Variants in ZFP36L2 observed in about 807,000 individuals in gnomAD.
ZFP36L2 encodes mRNA decay activator protein ZFP36L2.
In ZFP36L2, 16 loss-of-function variants were observed where a neutral mutation model predicts 27.9. That is an observed-to-expected ratio of 0.57 (90% CI 0.39 to 0.87). ZFP36L2 has a LOEUF of 0.87. ZFP36L2 is among the 40% of genes least tolerant of loss of function. The probability of loss-of-function intolerance (pLI) is 0.00; values close to 1 mark genes in which losing one functional copy is unlikely to be tolerated. For missense variants in ZFP36L2, 989 were observed against 726.9 expected, an observed-to-expected ratio of 1.36 and a Z score of -4.15; for synonymous variants, 600 against 363.8, an observed-to-expected ratio of 1.65 and a Z score of -7.39.
In ZFP36L2 at chr2:43,224,217, A is replaced by ACCC. The variant is rs893962631; in HGVS notation, c.*99_*101dup. On this transcript the variant is annotated 3_prime_UTR_variant, in exon 2 of 2. Coordinates refer to ENST00000282388, the MANE Select transcript of ZFP36L2 (RefSeq NM_006887.5). ...TTGCAGTCTGCCTAGGGCCCATGTC[A>ACCC]CCCCCCCCACTCCCGTGCCCCCAGC... 1 of 1,265,196 alleles carries ACCC rather than the reference A, an allele frequency of 7.9e-7. No homozygotes were observed. The highest frequency in any genetic ancestry group is 1.6e-5 in the African/African-American group (1 of 62,960). 78.4% of individuals were successfully genotyped at this position (1,265,196 alleles called of 1,614,324 possible). A position where few individuals can be genotyped will look rare whatever the true frequency, so the allele number is the denominator to read the frequency against.
Position 43,224,380 on chromosome 2 carries a change from G to A in ZFP36L2, c.1424C>T (p.Pro475Leu). The A allele has an allele frequency of 6.4e-7, 1 of 1,564,380 alleles. No individual in the cohort carries two copies. Among genetic ancestry groups the A allele is most frequent in the Non-Finnish European group, 8.6e-7 (1 of 1,161,144 alleles). Reference sequence around the variant, plus strand: ...CAGGCGGCGGCCAGGGTCGAGGCTGGGAGACTCAGAGCCGCTGAGGCTGCC... The same window carrying A: ...CAGGCGGCGGCCAGGGTCGAGGCTGAGAGACTCAGAGCCGCTGAGGCTGCC... ...SSGSLSGSES[P>L]SLDPGRRLPI... Residue 475 changes from proline to leucine, a missense_variant, in exon 2 of 2, where the codon CCC (proline) becomes CTC (leucine). Transcript: ENST00000282388.
Position 43,225,583 on chromosome 2 carries a change from C to G in ZFP36L2, c.221G>C (p.Cys74Ser). 6.4e-7 allele frequency: 1 copy of G among 1,560,814 alleles called. No individual in the cohort carries two copies. Among genetic ancestry groups the G allele is most frequent in the Non-Finnish European group, 8.6e-7 (1 of 1,159,088 alleles). Reference sequence around the variant, plus strand: ...AGCGGCGCCCGGGAACTTGGGCGAGCAGCTGCCGGGGCTGGGCGCGGGGTG... The same window carrying G: ...AGCGGCGCCCGGGAACTTGGGCGAGGAGCTGCCGGGGCTGGGCGCGGGGTG... The part of the protein sequence containing the change: ...LAHPAPSPGS[C>S]SPKFPGAANG... Residue 74 changes from cysteine (C) to serine (S), a missense_variant, in exon 2 of 2, where the codon TGC (cysteine) becomes TCC (serine). Cys to Ser is a moderately radical substitution (Grantham distance 112). Transcript: ENST00000282388.
At position 43,225,773 on chromosome 2, in the gene ZFP36L2, G is replaced by C. The variant is rs142535399; in HGVS notation, c.52-21C>G. The C allele has an allele frequency of 8.1e-4, 1,283 of 1,574,554 alleles. 19 individuals are homozygous for C. In the East Asian group the frequency reaches 0.025, roughly 31 times the overall value. ...TCTGTCTGCCAAAGGGAGGGGAGCGGGGAAGGGATGAAAAACGGAAGGGGA... is the reference window on the plus strand; with the variant it reads ...TCTGTCTGCCAAAGGGAGGGGAGCGCGGAAGGGATGAAAAACGGAAGGGGA... On this transcript the variant is annotated intron_variant, in intron 1 of 1. Transcript: ENST00000282388.
rs536741216 is a variant in ZFP36L2 at position 43,222,751 on chromosome 2, G to A, written c.*1568C>T. On this transcript the variant is annotated 3_prime_UTR_variant, in exon 2 of 2. Coordinates refer to ENST00000282388, the MANE Select transcript of ZFP36L2 (RefSeq NM_006887.5). Reference sequence around the variant, plus strand: ...GTACTACATATTTCAGCACTAAGGCGGTTGCTTCACTTTATATCTATATAA... The same window carrying A: ...GTACTACATATTTCAGCACTAAGGCAGTTGCTTCACTTTATATCTATATAA... 8 of 152,372 alleles carry A rather than the reference G, an allele frequency of 5.3e-5. No homozygotes were observed. The highest frequency in any genetic ancestry group is 1.4e-4 in the African/African-American group (6 of 41,532). The allele number at this position is 152,372 out of a possible 1,614,324, so 9.4% of individuals were successfully genotyped here. A position where few individuals can be genotyped will look rare whatever the true frequency, so the allele number is the denominator to read the frequency against.
At chr2:43,225,789 C>CG in intron 1 of ZFP36L2, 37 bp from the exon 2 acceptor site, 1 of 1,559,942 alleles carries the variant, frequency 6.4e-7, no homozygotes, top group Non-Finnish European at 8.6e-7. Context: ...GGATGAAAAA[C>CG]GGAAGGGGAA....
Position 43,224,794 on chromosome 2 carries a change from G to C in ZFP36L2, c.1010C>G (p.Thr337Ser). The change falls in exon 2 of 2, where the codon ACC becomes AGC. Residue 337 changes from threonine (T) to serine (S), a missense_variant. Physicochemically the swap from Thr to Ser is moderately conservative, Grantham distance 58. Transcript: ENST00000282388. ...AAAAAALLYG[T>S]GGAEDLLAPG... Reference sequence around the variant, plus strand: ...CGCCAGCAGGTCCTCGGCGCCCCCGGTGCCGTACAGCAGAGCGGCCGCAGC... The same window carrying C: ...CGCCAGCAGGTCCTCGGCGCCCCCGCTGCCGTACAGCAGAGCGGCCGCAGC... 1.4e-6 allele frequency: 2 copies of C among 1,460,870 alleles called. No homozygotes were observed. The highest frequency in any genetic ancestry group is 2.7e-5 in the South Asian group (2 of 75,456). The allele number at this position is 1,460,870 out of a possible 1,614,324, so 90.5% of individuals were successfully genotyped here.
At position 43,225,575 on chromosome 2, in the gene ZFP36L2, T is replaced by C. The variant is rs747629781; in HGVS notation, c.229A>G (p.Lys77Glu). Residue 77 changes from lysine (K) to glutamate (E), a missense_variant, in exon 2 of 2, where the codon AAG becomes GAG. Physicochemically the swap from Lys to Glu is moderately conservative, Grantham distance 56. Coordinates refer to ENST00000282388, the MANE Select transcript of ZFP36L2 (RefSeq NM_006887.5). ...PAPSPGSCSP[K>E]FPGAANGSSC... ...CTGCCGTTAGCGGCGCCCGGGAACT[T>C]GGGCGAGCAGCTGCCGGGGCTGGGC... 1.3e-6 allele frequency: 2 copies of C among 1,564,796 alleles called. No homozygotes were observed. Among genetic ancestry groups the C allele is most frequent in the Admixed American group, 3.7e-5 (2 of 53,968 alleles).
chr2:43,225,317 C>G lies in ZFP36L2; in HGVS notation c.487G>C (p.Glu163Gln), dbSNP rs1667065350. Residue 163 changes from glutamate to glutamine, a missense_variant, in exon 2 of 2, where the codon GAG becomes CAG. Physicochemically the swap from Glu to Gln is conservative, Grantham distance 29. Coordinates refer to ENST00000282388, the MANE Select transcript of ZFP36L2 (RefSeq NM_006887.5). ...CCGTACTTGCACGTGCCGCTCTCCT[C>G]GAAGGGCCGGCACAGCTCGGTCTTG... is the stretch of plus-strand genomic sequence containing the variant. ...RYKTELCRPF[E>Q]ESGTCKYGEK... The G allele has an allele frequency of 3.1e-6, 5 of 1,612,942 alleles. No homozygotes were observed. The highest frequency in any genetic ancestry group is 1.3e-5 in the African/African-American group (1 of 74,896).
Position 43,224,843 on chromosome 2 carries a change from A to C in ZFP36L2, c.961T>G (p.Cys321Gly), listed in dbSNP as rs1667051847. The change falls in exon 2 of 2, where the codon TGC becomes GGC. Residue 321 changes from cysteine (C) to glycine (G), a missense_variant. By Grantham distance (159) the Cys-to-Gly change is radical. Coordinates refer to ENST00000282388, the MANE Select transcript of ZFP36L2 (RefSeq NM_006887.5). ...GCCGCGGCCGCCGCGGAGGCGCAGCATGTCGGGGCGCCCGAGGGCGTGGAG... is the reference window on the plus strand; with the variant it reads ...GCCGCGGCCGCCGCGGAGGCGCAGCCTGTCGGGGCGCCCGAGGGCGTGGAG... ...AASTPSGAPT[C>G]CASAAAAAAA... 3 of 1,456,724 alleles carry C rather than the reference A, an allele frequency of 2.1e-6. No individual in the cohort carries two copies. Among genetic ancestry groups the C allele is most frequent in the Admixed American group, 2.9e-5 (1 of 34,814 alleles). 90.2% of individuals were successfully genotyped at this position (1,456,724 alleles called of 1,614,324 possible). A position where few individuals can be genotyped will look rare whatever the true frequency, so the allele number is the denominator to read the frequency against.
chr2:43,224,299 C>T lies in ZFP36L2; in HGVS notation c.*20G>A. 6.5e-7 allele frequency: 1 copy of T among 1,548,370 alleles called. No individual in the cohort carries two copies. Among genetic ancestry groups the T allele is most frequent in the East Asian group, 2.5e-5 (1 of 39,424 alleles). On this transcript the variant is annotated 3_prime_UTR_variant, in exon 2 of 2. Coordinates refer to ENST00000282388, the MANE Select transcript of ZFP36L2 (RefSeq NM_006887.5). ...ATCTCTGAACCGCCTTCCCTTCCTC[C>T]TCACTGGCGCCCTCTTGCCTCAGTC...
rs771800707 is a variant in ZFP36L2 at position 43,224,657 on chromosome 2, A to T, written c.1147T>A (p.Phe383Ile). 2.6e-6 allele frequency: 4 copies of T among 1,523,316 alleles called. No individual in the cohort carries two copies. Among genetic ancestry groups the T allele is most frequent in the Non-Finnish European group, 2.6e-6 (3 of 1,140,288 alleles). 94.4% of individuals were successfully genotyped at this position (1,523,316 alleles called of 1,614,324 possible). The change falls in exon 2 of 2, where the codon TTT (phenylalanine) becomes ATT (isoleucine). Residue 383 changes from phenylalanine to isoleucine, a missense_variant. Coordinates refer to ENST00000282388, the MANE Select transcript of ZFP36L2 (RefSeq NM_006887.5). ...TAGGCGGCGGCGGCCACGGCGGCAA[A>T]GTTGTGGGTCTGGATGGCGAGCGGC... Reference protein sequence around the residue: ...ITPLAIQTHNFAAVAAAAYYR... With the variant: ...ITPLAIQTHNIAAVAAAAYYR...
rs1180049433 is a variant in ZFP36L2 at position 43,224,601 on chromosome 2, C to T, written c.1203G>A (p.Gln401=). 13 of 1,198,564 alleles carry T rather than the reference C, an allele frequency of 1.1e-5. No individual in the cohort carries two copies. The highest frequency in any genetic ancestry group is 6.4e-5 in the African/African-American group (4 of 62,864). 74.2% of individuals were successfully genotyped at this position (1,198,564 alleles called of 1,614,324 possible). ...YYRSQQQQQQ[Q]GLAPPAQPPA... is the part of the protein sequence containing the mutation. Reference sequence around the variant, plus strand: ...GCGGCTGCGCGGGGGGCGCCAGGCCCTGCTGCTGCTGCTGCTGCTGACTGC... The same window carrying T: ...GCGGCTGCGCGGGGGGCGCCAGGCCTTGCTGCTGCTGCTGCTGCTGACTGC... Residue 401 remains glutamine (Q), a synonymous_variant, in exon 2 of 2, where the codon CAG becomes CAA. Transcript: ENST00000282388.
chr2:43,226,247 GC>G lies in ZFP36L2; in HGVS notation c.51+17del, dbSNP rs1427644978. 3.2e-6 allele frequency: 5 copies of G among 1,570,296 alleles called. No homozygotes were observed. In the African/African-American group the frequency reaches 4.1e-5, roughly 13 times the overall value. On this transcript the variant is annotated intron_variant, in intron 1 of 1. Transcript: ENST00000282388. ...AACTACAACGGCTGCTGCCGGCCGGGCCCGCTCCCTGGCCTACCTTGCACAA... is the reference window on the plus strand; with the variant it reads ...AACTACAACGGCTGCTGCCGGCCGGGCCGCTCCCTGGCCTACCTTGCACAA...
Position 43,224,249 on chromosome 2 carries a change from G to C in ZFP36L2, c.*70C>G. 1.4e-6 allele frequency: 2 copies of C among 1,425,578 alleles called. No homozygotes were observed. Among genetic ancestry groups the C allele is most frequent in the East Asian group, 2.9e-5 (1 of 34,264 alleles). 88.3% of individuals were successfully genotyped at this position (1,425,578 alleles called of 1,614,324 possible). A position where few individuals can be genotyped will look rare whatever the true frequency, so the allele number is the denominator to read the frequency against. ...CCACTCCCGTGCCCCCAGCAAGGGCGAGATGGCGAGGGGTGTCCTCCAACA... is the reference window on the plus strand; with the variant it reads ...CCACTCCCGTGCCCCCAGCAAGGGCCAGATGGCGAGGGGTGTCCTCCAACA... On this transcript the variant is annotated 3_prime_UTR_variant, in exon 2 of 2. Transcript: ENST00000282388.
rs774625316 is a variant in ZFP36L2 at position 43,224,760 on chromosome 2, G to C, written c.1044C>G (p.Ala348=). 1.0e-5 allele frequency: 15 copies of C among 1,493,532 alleles called. No homozygotes were observed. In the Admixed American group the frequency reaches 1.1e-4, roughly 11 times the overall value. The allele number at this position is 1,493,532 out of a possible 1,614,324, so 92.5% of individuals were successfully genotyped here. A position where few individuals can be genotyped will look rare whatever the true frequency, so the allele number is the denominator to read the frequency against. ...GGAEDLLAPG[A]PCAACSSASC... is the part of the protein sequence containing the mutation. ...AGGCCGACGAGCAGGCCGCGCACGG[G>C]GCCCCCGGCGCCAGCAGGTCCTCGG... Residue 348 remains alanine, a synonymous_variant, in exon 2 of 2, where the codon GCC becomes GCG. Transcript: ENST00000282388.
Position 43,224,750 on chromosome 2 carries a change from C to T in ZFP36L2, c.1054G>A (p.Ala352Thr). Residue 352 changes from alanine to threonine, a missense_variant, in exon 2 of 2, where the codon GCC becomes ACC. Coordinates refer to ENST00000282388, the MANE Select transcript of ZFP36L2 (RefSeq NM_006887.5). ...DLLAPGAPCA[A>T]CSSASCANNA... ...TTGGCGCACGAGGCCGACGAGCAGGCCGCGCACGGGGCCCCCGGCGCCAGC... is the reference window on the plus strand; with the variant it reads ...TTGGCGCACGAGGCCGACGAGCAGGTCGCGCACGGGGCCCCCGGCGCCAGC... The T allele has an allele frequency of 1.3e-6, 2 of 1,508,500 alleles. No homozygotes were observed. The highest frequency in any genetic ancestry group is 1.8e-6 in the Non-Finnish European group (2 of 1,135,840). The allele number at this position is 1,508,500 out of a possible 1,614,324, so 93.4% of individuals were successfully genotyped here.
Position 43,225,867 on chromosome 2 carries a change from G to A in ZFP36L2, c.52-115C>T, listed in dbSNP as rs1486550078. On this transcript the variant is annotated intron_variant, in intron 1 of 1. Coordinates refer to ENST00000282388, the MANE Select transcript of ZFP36L2 (RefSeq NM_006887.5). ...CTTTTCCTTTTTTTCCCCCACTCTT[G>A]GCGGATCCCGACTCGGCCTCCACCC... 15 of 1,149,808 alleles carry A rather than the reference G, an allele frequency of 1.3e-5. No individual in the cohort carries two copies. In the Admixed American group the frequency reaches 4.1e-4, roughly 31 times the overall value. The allele number at this position is 1,149,808 out of a possible 1,614,324, so 71.2% of individuals were successfully genotyped here.
rs970841950 is a variant in ZFP36L2 at position 43,225,357 on chromosome 2, G to T, written c.447C>A (p.Ile149=). The T allele has an allele frequency of 1.2e-6, 2 of 1,613,362 alleles. No individual in the cohort carries two copies. Among genetic ancestry groups the T allele is most frequent in the Admixed American group, 3.3e-5 (2 of 59,996 alleles). Residue 149 remains isoleucine (I), a synonymous_variant, in exon 2 of 2, where the codon ATC becomes ATA. Transcript: ENST00000282388. ...QQQKGGGGSQ[I]NSTRYKTELC... ...GCTCGGTCTTGTAGCGCGTGGAGTT[G>T]ATCTGGGAGCCGCCGCCCCCCTTCT... is the stretch of plus-strand genomic sequence containing the variant.
chr2:43,223,208 A>T lies in ZFP36L2; in HGVS notation c.*1111T>A, dbSNP rs1461072604. 2 of 152,238 alleles carry T rather than the reference A, an allele frequency of 1.3e-5. No homozygotes were observed. Among genetic ancestry groups the T allele is most frequent in the Non-Finnish European group, 2.9e-5 (2 of 68,012 alleles). The allele number at this position is 152,238 out of a possible 1,614,324, so 9.4% of individuals were successfully genotyped here. A position where few individuals can be genotyped will look rare whatever the true frequency, so the allele number is the denominator to read the frequency against. ...TCTTTCAAAATTTACGTAAACAAGG[A>T]AAGAAATTAATGAAATAAATATTAC... On this transcript the variant is annotated 3_prime_UTR_variant, in exon 2 of 2. Coordinates refer to ENST00000282388, the MANE Select transcript of ZFP36L2 (RefSeq NM_006887.5).
Sources: allele counts gnomAD v4.1 joint callset, GRCh38; gene constraint gnomAD v4.1.1; transcripts MANE v1.5; gene names NCBI Gene and HGNC (gene_info 2026-07-23, HGNC 2026-07-21).